Variants in MTSS2 observed in about 807,000 individuals in gnomAD.
The protein encoded by MTSS2 is MTSS I-BAR domain containing 2, also known as protein MTSS 2.
MTSS2 carries 27 observed loss-of-function variants against 67.1 expected under a neutral mutation model. The ratio of observed to expected loss-of-function variants is 0.40; its 90% CI spans 0.30 to 0.55. The LOEUF is 0.55. MTSS2 is among the 20% of genes least tolerant of loss of function. MTSS2 has a pLI of 0.43. For synonymous variants in MTSS2, 624 were observed against 468.6 expected, an observed-to-expected ratio of 1.33 and a Z score of -4.28; for missense variants, 1,171 against 1,067.8, an observed-to-expected ratio of 1.10 and a Z score of -1.35.
In MTSS2 at chr16:70,662,183, C is replaced by T. The variant is rs1400830766; in HGVS notation, c.*1494G>A. On this transcript the variant is annotated 3_prime_UTR_variant, in exon 15 of 15. Coordinates refer to ENST00000338779, the MANE Select transcript of MTSS2 (RefSeq NM_138383.3). ...AAGCCTGGGAGGCTCAGACCCAGCT[C>T]CATTCTATCAATCAATCAATCAATC... 2 of 120,630 alleles carry T rather than the reference C, an allele frequency of 1.7e-5. No homozygotes were observed. The highest frequency in any genetic ancestry group is 2.5e-5 in the African/African-American group (1 of 39,640). The allele number at this position is 120,630 out of a possible 1,614,324, so 7.5% of individuals were successfully genotyped here. A position where few individuals can be genotyped will look rare whatever the true frequency, so the allele number is the denominator to read the frequency against.
chr16:70,674,102 A>AGAT (rs1199986026), intron 11 of MTSS2, among the ~76,000 whole-genome samples: 15 of 152,384 alleles, frequency 9.8e-5, no homozygotes, highest in African/African-American at 3.1e-4. Context: ...GACTCATTTA[A>AGAT]GATATAAAGA....
intron 12 of MTSS2, 184 bp downstream of exon 12, chr16:70,665,282 G>C: frequency 1.1e-6 from 1 of 918,794 alleles, no homozygotes; most frequent in Admixed American, 2.7e-5. Context: ...CCAGGGGTAA[G>C]ATGTGGCTGT....
In MTSS2 at chr16:70,663,685, T is replaced by C. The variant is rs1446881475; in HGVS notation, c.2236A>G (p.Ile746Val). Residue 746 changes from isoleucine (I) to valine (V), a missense_variant, in exon 15 of 15, where the codon ATC becomes GTC. Transcript: ENST00000338779. ...TGGGGAGGGTGGCGCCATCATAAGA[T>C]GCGGGGCGCCGACCTGTCGTTGGTG... ...TVTNDRSAPR[I>V]L 7 of 1,582,702 alleles carry C rather than the reference T, an allele frequency of 4.4e-6. No homozygotes were observed. Among genetic ancestry groups the C allele is most frequent in the African/African-American group, 2.7e-5 (2 of 74,254 alleles).
At chr16:70,685,572 G>C in intron 1 of MTSS2, 151 bp downstream of exon 1, 1 of 316,420 alleles carries the variant, frequency 3.2e-6, no homozygotes, top group African/African-American at 2.2e-5. Context: ...GGAGACACGG[G>C]CGCCCAGCAG....
intron 7 of MTSS2, 98 bp downstream of exon 7, chr16:70,679,217 G>T: frequency 6.8e-7 from 1 of 1,465,698 alleles, no homozygotes; most frequent in Non-Finnish European, 9.6e-7. Context: ...GCTTCTCCTT[G>T]GCCTGGAGAG....
chr16:70,685,623 G>C, intron 1 of MTSS2, 100 bp downstream of exon 1: 1 of 667,372 alleles, frequency 1.5e-6, no homozygotes, highest in Admixed American at 5.6e-5. Flanking sequence ...CACAGACACC[G>C]CGGCGCGCGG....
chr16:70,663,347 G>GC lies in MTSS2; in HGVS notation c.*329dup, dbSNP rs2052563089. 1 of 335,764 alleles carries GC rather than the reference G, an allele frequency of 3.0e-6. No homozygotes were observed. The highest frequency in any genetic ancestry group is 2.2e-5 in the African/African-American group (1 of 46,170). The allele number at this position is 335,764 out of a possible 1,614,324, so 20.8% of individuals were successfully genotyped here. A position where few individuals can be genotyped will look rare whatever the true frequency, so the allele number is the denominator to read the frequency against. Reference sequence around the variant, plus strand: ...GGATGGTGAAAGGGAGGCCAGCCTGGCCCCTCTGTCATGGGCAGCGGCCCT... The same window carrying GC: ...GGATGGTGAAAGGGAGGCCAGCCTGGCCCCCTCTGTCATGGGCAGCGGCCCT... On this transcript the variant is annotated 3_prime_UTR_variant, in exon 15 of 15. Transcript: ENST00000338779.
At chr16:70,681,343 G>C (rs986245653) in intron 1 of MTSS2, among the ~76,000 whole-genome samples, 5 of 152,234 alleles carry the variant, frequency 3.3e-5, no homozygotes, top group Non-Finnish European at 7.3e-5. Context: ...GGCAGGTCCT[G>C]TCCCCTCGGG....
intron 6 of MTSS2, 33 bp from the exon 7 acceptor site, chr16:70,679,356 G>A: frequency 6.2e-7 from 1 of 1,613,384 alleles, no homozygotes; most frequent in Non-Finnish European, 8.5e-7. Context: ...GAGGAGGAGA[G>A]ACAGAGAAAG....
intron 1 of MTSS2, among the ~76,000 whole-genome samples, chr16:70,683,528 G>T (rs980555779): frequency 1.3e-5 from 2 of 152,212 alleles, no homozygotes; most frequent in African/African-American, 4.8e-5. Flanking sequence ...GCCAGCACTG[G>T]GTGGAGGCCC....
chr16:70,665,753 A>G, intron 11 of MTSS2: 1 of 489,692 alleles, frequency 2.0e-6, no homozygotes, highest in Non-Finnish European at 3.6e-6. Context: ...GTGAACGCTG[A>G]CCCACCTGAC....
intron 11 of MTSS2, among the ~76,000 whole-genome samples, chr16:70,666,025 A>G (rs1421447224): frequency 1.3e-5 from 2 of 152,210 alleles, no homozygotes; most frequent in South Asian, 2.1e-4. Context: ...AGCTGAGTGC[A>G]GGGAGAAGTT....
chr16:70,679,884 A>AGGGC lies in MTSS2; in HGVS notation c.291-11_291-8dup, dbSNP rs1567504929. 2 of 1,593,300 alleles carry AGGGC rather than the reference A, an allele frequency of 1.3e-6. No individual in the cohort carries two copies. Among genetic ancestry groups the AGGGC allele is most frequent in the Non-Finnish European group, 1.7e-6 (2 of 1,176,452 alleles). On this transcript the variant is annotated splice_polypyrimidine_tract_variant and splice_region_variant and intron_variant, in intron 4 of 14. Transcript: ENST00000338779. Reference sequence around the variant, plus strand: ...GAGGCTCTCCAGCAGTGCGCTGCGGAGGGCGGGCGGGAGCGCAGGTCAGGG... The same window carrying AGGGC: ...GAGGCTCTCCAGCAGTGCGCTGCGGAGGGCGGGCGGGCGGGAGCGCAGGTCAGGG...
chr16:70,665,518 G>A lies in MTSS2; in HGVS notation c.1076C>T (p.Ser359Phe). ...TSQKSSSSAS[S>F]EASETCQSVS... ...GGACTGGCAGGTTTCCGAGGCCTCG[G>A]AAGATGCAGAGCTGGAGGACTTCTG... is the stretch of plus-strand genomic sequence containing the variant. Residue 359 changes from serine (S) to phenylalanine (F), a missense_variant, in exon 12 of 15, where the codon TCC becomes TTC. Physicochemically the swap from Ser to Phe is radical, Grantham distance 155. This residue lies in a region of MTSS2 where 924 missense variants were observed against 756.0 expected (regional missense o/e 1.22). Coordinates refer to ENST00000338779, the MANE Select transcript of MTSS2 (RefSeq NM_138383.3). 6.5e-7 allele frequency: 1 copy of A among 1,548,522 alleles called. No individual in the cohort carries two copies. Among genetic ancestry groups the A allele is most frequent in the Admixed American group, 2.0e-5 (1 of 51,022 alleles).
intron 8 of MTSS2, 131 bp downstream of exon 8, chr16:70,678,121 C>T: frequency 8.0e-7 from 1 of 1,254,118 alleles, no homozygotes. Flanking sequence ...TGAGACCTGC[C>T]TTTGGGCCAG....
Position 70,665,198 on chromosome 16 carries a change from G to T in MTSS2, c.1129-102C>A. ...AGGCTCAGGGTGTCCAGGGCTATCA[G>T]GGGGTCTCTGGTTCGCAATCACAGC... On this transcript the variant is annotated intron_variant, in intron 12 of 14. Coordinates refer to ENST00000338779, the MANE Select transcript of MTSS2 (RefSeq NM_138383.3). 2.2e-6 allele frequency: 3 copies of T among 1,341,918 alleles called. No homozygotes were observed. The South Asian group carries it at 4.4e-5, about 20-fold the overall frequency. The allele number at this position is 1,341,918 out of a possible 1,614,324, so 83.1% of individuals were successfully genotyped here. A position where few individuals can be genotyped will look rare whatever the true frequency, so the allele number is the denominator to read the frequency against.
chr16:70,667,797 C>T (rs2052772662), intron 11 of MTSS2, among the ~76,000 whole-genome samples: 1 of 151,770 alleles, frequency 6.6e-6, no homozygotes, highest in African/African-American at 2.4e-5. Flanking sequence ...AGCTTGAACC[C>T]AGGAGGCTGA....
At chr16:70,673,764 A>C (rs1362578497) in intron 11 of MTSS2, among the ~76,000 whole-genome samples, 2 of 152,152 alleles carry the variant, frequency 1.3e-5, no homozygotes, top group African/African-American at 4.8e-5. Context: ...AAGTTTGAGA[A>C]GGAGTGGGTG....
intron 7 of MTSS2, among the ~76,000 whole-genome samples, chr16:70,678,695 C>T (rs1289119611): frequency 6.6e-6 from 1 of 152,222 alleles, no homozygotes; most frequent in African/African-American, 2.4e-5. Context: ...AGGAGCTCTG[C>T]CAACACGGAG....
Sources: allele counts gnomAD v4.1 joint callset (sites outside exome capture counted in the v4.1 genomes callset), GRCh38; gene constraint gnomAD v4.1.1; regional missense constraint gnomAD v4.1.1; transcripts MANE v1.5; gene names NCBI Gene and HGNC (gene_info 2026-07-23, HGNC 2026-07-21).